PRDM9: variants seen among roughly 807,000 people sequenced by gnomAD.
PRDM9 encodes the protein histone-lysine N-methyltransferase PRDM9.
PRDM9 carries 47 observed loss-of-function variants against 55.6 expected under a neutral mutation model. That is an observed-to-expected ratio of 0.85 (90% CI 0.67 to 1.08). The LOEUF is 1.08. PRDM9 is among the 50% of genes least tolerant of loss of function. PRDM9 has a pLI of 0.00. For synonymous variants in PRDM9, 312 were observed against 375.7 expected (o/e 0.83, Z 1.96); for missense variants, 867 against 1,040.3 (o/e 0.83, Z 2.29).
At chr5:23,517,471 A>G (rs1255231580) in intron 4 of PRDM9, among the ~76,000 whole-genome samples, 1 of 152,094 alleles carries the variant, frequency 6.6e-6, no homozygotes, top group Non-Finnish European at 1.5e-5. Flanking sequence ...CTGATTCAGA[A>G]TTCTCTGTCT....
At chr5:23,522,088 G>A (rs1345597774) in intron 6 of PRDM9, among the ~76,000 whole-genome samples, 1 of 152,166 alleles carries the variant, frequency 6.6e-6, no homozygotes, top group Non-Finnish European at 1.5e-5. Flanking sequence ...GAGGTTAATG[G>A]TATAATGAGA....
chr5:23,514,709 C>G (rs1277063473), intron 4 of PRDM9, among the ~76,000 whole-genome samples: 3 of 152,080 alleles, frequency 2.0e-5, no homozygotes, highest in African/African-American at 7.2e-5. Flanking sequence ...TCCCAAAGTG[C>G]TGGGATTATA....
rs141880427 is a variant in PRDM9, at chr5:23,509,075, C to T, written c.42C>T (p.Asp14=). Residue 14 remains aspartate, a synonymous_variant, in exon 2 of 11, where the codon GAC becomes GAT. Coordinates refer to ENST00000296682, the MANE Select transcript of PRDM9 (RefSeq NM_020227.4). ...EKSQEESPEE[D]TERTERKPMV... ...CCCAAGAGGAGAGCCCAGAAGAAGACACAGAGAGAACAGAGCGGAAGCCCA... is the reference window on the plus strand; with the variant it reads ...CCCAAGAGGAGAGCCCAGAAGAAGATACAGAGAGAACAGAGCGGAAGCCCA... The T allele has an allele frequency of 8.2e-4, 1,322 of 1,614,098 alleles. 18 individuals carry two copies. In the East Asian group the frequency reaches 0.025, roughly 31 times the overall value.
intron 5 of PRDM9, 121 bp downstream of exon 5, chr5:23,518,051 C>A: frequency 2.2e-6 from 2 of 901,806 alleles, no homozygotes; most frequent in Non-Finnish European, 3.7e-6. Context: ...ATCTCTTTAG[C>A]ACAGTGTCTG....
At position 23,527,707 on chromosome 5, in the gene PRDM9, A is replaced by C. The variant is rs1463359334; in HGVS notation, c.2619A>C (p.Ser873=). 6.3e-7 allele frequency: 1 copy of C among 1,598,016 alleles called. No individual in the cohort carries two copies. Residue 873 remains serine, a synonymous_variant, in exon 11 of 11, where the codon TCA becomes TCC. Transcript: ENST00000296682. ...GTGGGCGGGGCTTTAGCGATAGGTC[A>C]AGCCTCTGCTATCACCAGAGGACAC... is the stretch of plus-strand genomic sequence containing the variant. The part of the protein sequence containing the change: ...RECGRGFSDR[S]SLCYHQRTHT...
chr5:23,511,813 T>C (rs1417315597), intron 4 of PRDM9, among the ~76,000 whole-genome samples: 1 of 152,106 alleles, frequency 6.6e-6, no homozygotes, highest in African/African-American at 2.4e-5. Flanking sequence ...GCTTGGTTAG[T>C]TTTTTTGTAT....
At position 23,527,545 on chromosome 5, in the gene PRDM9, C is replaced by T; in HGVS notation, c.2457C>T (p.Leu819=). ...CGRGFSNKSH[L]LRHQRTHTGE... ...GGGGCTTTAGCAATAAGTCACACCT[C>T]CTCAGACACCAGAGGACACACACAG... The change falls in exon 11 of 11, where the codon CTC becomes CTT. Residue 819 remains leucine, a synonymous_variant. Coordinates refer to ENST00000296682, the MANE Select transcript of PRDM9 (RefSeq NM_020227.4). 6.4e-7 allele frequency: 1 copy of T among 1,561,948 alleles called. No individual in the cohort carries two copies. Among genetic ancestry groups the T allele is most frequent in the Non-Finnish European group, 8.6e-7 (1 of 1,162,986 alleles).
At chr5:23,524,270 T>C in intron 9 of PRDM9, 64 bp from the exon 10 acceptor site, 1 of 1,572,666 alleles carries the variant, frequency 6.4e-7, no homozygotes, top group South Asian at 1.1e-5. Context: ...TGATGGGCCA[T>C]ACCTGGATCT....
chr5:23,514,108 T>A (rs1437629656), intron 4 of PRDM9, among the ~76,000 whole-genome samples: 1 of 152,228 alleles, frequency 6.6e-6, no homozygotes, highest in African/African-American at 2.4e-5. Context: ...TCCCTGATGA[T>A]TAGTGATGTT....
intron 8 of PRDM9, 74 bp downstream of exon 8, chr5:23,522,959 C>T: frequency 6.2e-7 from 1 of 1,609,510 alleles, no homozygotes; most frequent in Non-Finnish European, 8.5e-7. Context: ...GCATAATCTT[C>T]TACATGTTAG....
rs144393194 is a variant in PRDM9, at chr5:23,519,401, T to C, written c.351+1471T>C. On this transcript the variant is annotated intron_variant, in intron 5 of 10. Coordinates refer to ENST00000296682, the MANE Select transcript of PRDM9 (RefSeq NM_020227.4). ...TTCTTTTGTTGAGACAGAGTTTCAC[T>C]CTTGTCACCCAGGCTGGAGTGCAGT... Among the ~76,000 whole-genome samples, 6 of 151,050 alleles carry C rather than the reference T, an allele frequency of 4.0e-5. No individual in the cohort carries two copies. In the East Asian group the frequency reaches 1.0e-3, roughly 25 times the overall value.
Position 23,527,652 on chromosome 5 carries a change from C to A in PRDM9, c.2564C>A (p.Thr855Lys). 2 of 1,520,190 alleles carry A rather than the reference C, an allele frequency of 1.3e-6. No individual in the cohort carries two copies. Among genetic ancestry groups the A allele is most frequent in the Non-Finnish European group, 1.8e-6 (2 of 1,125,502 alleles). The allele number at this position is 1,520,190 out of a possible 1,614,324, so 94.2% of individuals were successfully genotyped here. Reference protein sequence around the residue: ...SHLLRHQRTHTGEKPYVCREC... With the variant: ...SHLLRHQRTHKGEKPYVCREC... ...CTCCTCAGACACCAGAGGACACACACAGGGGAGAAGCCCTACGTCTGCAGG... is the reference window on the plus strand; with the variant it reads ...CTCCTCAGACACCAGAGGACACACAAAGGGGAGAAGCCCTACGTCTGCAGG... The change falls in exon 11 of 11, where the codon ACA becomes AAA. Residue 855 changes from threonine to lysine, a missense_variant. Thr to Lys is a moderately conservative substitution (Grantham distance 78). Around this residue, in one of 5 missense-constraint regions of PRDM9, gnomAD observed 86 missense variants for 73.6 expected, o/e 1.17. Coordinates refer to ENST00000296682, the MANE Select transcript of PRDM9 (RefSeq NM_020227.4).
chr5:23,524,252 C>A (rs1561021510), intron 9 of PRDM9, 82 bp from the exon 10 acceptor site: 1 of 1,541,318 alleles, frequency 6.5e-7, no homozygotes, highest in Non-Finnish European at 9.0e-7. Context: ...GAGGCCTAGA[C>A]CAGCAGGTGA....
chr5:23,523,751 A>G (rs1279828327), intron 9 of PRDM9, among the ~76,000 whole-genome samples: 2 of 152,258 alleles, frequency 1.3e-5, no homozygotes, highest in South Asian at 2.1e-4. Context: ...CCTTTCCACA[A>G]TGGGCTCTCG....
At chr5:23,515,243 G>T (rs970330445) in intron 4 of PRDM9, among the ~76,000 whole-genome samples, 2 of 152,124 alleles carry the variant, frequency 1.3e-5, no homozygotes, top group African/African-American at 4.8e-5. Context: ...GGGATTACAG[G>T]CATGAGCCAC....
chr5:23,522,099 A>G (rs7736955), intron 6 of PRDM9, among the ~76,000 whole-genome samples: 4,040 of 152,288 alleles, frequency 0.027, 191 homozygotes, highest in African/African-American at 0.092. Flanking sequence ...TATAATGAGA[A>G]CAGCCAGAAA....
chr5:23,527,955 T>G lies in PRDM9; in HGVS notation c.*182T>G. 1 of 823,074 alleles carries G rather than the reference T, an allele frequency of 1.2e-6. No homozygotes were observed. Among genetic ancestry groups the G allele is most frequent in the East Asian group, 2.7e-5 (1 of 37,574 alleles). 51.0% of individuals were successfully genotyped at this position (823,074 alleles called of 1,614,324 possible). On this transcript the variant is annotated 3_prime_UTR_variant, in exon 11 of 11. Coordinates refer to ENST00000296682, the MANE Select transcript of PRDM9 (RefSeq NM_020227.4). The stretch of plus-strand genomic sequence containing the variant: ...AATCCGCCACTTTCATGACTAGAGA[T>G]GAGGAAGAACAAGGGATAGTTCTGT...
At chr5:23,512,387 C>A (rs913058445) in intron 4 of PRDM9, among the ~76,000 whole-genome samples, 1 of 152,058 alleles carries the variant, frequency 6.6e-6, no homozygotes, top group Admixed American at 6.6e-5. Context: ...TCAATCTACC[C>A]AAACTAGAGA....
rs181771203 is a variant in PRDM9 at position 23,522,601 on chromosome 5, C to T, written c.611-13C>T. Reference sequence around the variant, plus strand: ...ATTACAACTTTCCTAATCTCTGCTTCCCTCACTTCCAGATTGTGAGATGTG... The same window carrying T: ...ATTACAACTTTCCTAATCTCTGCTTTCCTCACTTCCAGATTGTGAGATGTG... On this transcript the variant is annotated splice_polypyrimidine_tract_variant and intron_variant, in intron 7 of 10. Transcript: ENST00000296682. The T allele has an allele frequency of 1.2e-4, 200 of 1,614,230 alleles. No individual in the cohort carries two copies. The East Asian group carries it at 3.6e-3, about 29-fold the overall frequency.
Sources: gnomAD v4.1 joint callset for allele counts (sites outside exome capture counted in the v4.1 genomes callset) on GRCh38, gnomAD v4.1.1 for gene constraint, gnomAD v4.1.1 regional missense constraint, MANE v1.5 for transcripts, NCBI Gene and HGNC (gene_info 2026-07-23, HGNC 2026-07-21) for gene names.